The following KCND2 variants were observed in gnomAD, a reference collection of about 807,000 sequenced individuals.
KCND2 encodes the protein potassium voltage-gated channel subfamily D member 2, also known as A-type voltage-gated potassium channel KCND2.
In KCND2, 16 loss-of-function variants were observed where a neutral mutation model predicts 54.4. The ratio of observed to expected loss-of-function variants is 0.29; its 90% CI spans 0.20 to 0.45. The LOEUF (loss-of-function observed/expected upper bound fraction) is 0.45. Among genes scored for constraint, KCND2 ranks in the 20% least tolerant of loss-of-function variants. The pLI is 1.00. For synonymous variants in KCND2, 317 were observed against 310.7 expected (o/e 1.02, Z -0.21); for missense variants, 486 against 824.2 (o/e 0.59, Z 5.02).
intron 1 of KCND2, among the ~76,000 whole-genome samples, chr7:120,666,006 G>A (rs549319757): frequency 1.3e-5 from 2 of 152,102 alleles, no homozygotes; most frequent in Admixed American, 1.3e-4. Flanking sequence ...AGTACTGGAG[G>A]GGAGGGCATA....
chr7:120,322,857 T>C (rs1196538811), intron 1 of KCND2, among the ~76,000 whole-genome samples: 5 of 152,112 alleles, frequency 3.3e-5, no homozygotes, highest in African/African-American at 4.8e-5. Context: ...TCTTTGTTTT[T>C]TATCTAGTGC....
At chr7:120,398,872 G>A (rs1801198818) in intron 1 of KCND2, among the ~76,000 whole-genome samples, 2 of 152,040 alleles carry the variant, frequency 1.3e-5, no homozygotes, top group South Asian at 4.1e-4. Flanking sequence ...TAGGGAAACT[G>A]TTAGAGTAGG....
chr7:120,475,460 A>C (rs948817505), intron 1 of KCND2, among the ~76,000 whole-genome samples: 2 of 152,180 alleles, frequency 1.3e-5, no homozygotes, highest in Non-Finnish European at 2.9e-5. Context: ...GTAACTTAAA[A>C]TTTTAGTAAT....
chr7:120,499,707 A>G (rs927592036), intron 1 of KCND2, among the ~76,000 whole-genome samples: 1 of 152,178 alleles, frequency 6.6e-6, no homozygotes, highest in African/African-American at 2.4e-5. Flanking sequence ...GATCCAGCAT[A>G]CATGTCATTG....
intron 1 of KCND2, among the ~76,000 whole-genome samples, chr7:120,372,439 T>A (rs1479597466): frequency 6.9e-6 from 1 of 145,340 alleles, no homozygotes; most frequent in African/African-American, 2.5e-5. Context: ...TGAGCAAAGT[T>A]TGCTTTTTTA....
rs928982781 is a variant in KCND2 at position 120,655,195 on chromosome 7, T to C, written c.1116-77708T>C. 4.6e-5 allele frequency among the ~76,000 whole-genome samples: 7 copies of C among 152,170 alleles called. No homozygotes were observed. In the East Asian group the frequency reaches 7.7e-4, roughly 17 times the overall value. Reference sequence around the variant, plus strand: ...ATATTTTTAAAATTCTTTAATTTACTTTTTCCCCCAGGAAGTAAATAAACT... The same window carrying C: ...ATATTTTTAAAATTCTTTAATTTACCTTTTCCCCCAGGAAGTAAATAAACT... On this transcript the variant is annotated intron_variant, in intron 1 of 5. Coordinates refer to ENST00000331113, the MANE Select transcript of KCND2 (RefSeq NM_012281.3).
chr7:120,386,971 A>T (rs1196385605), intron 1 of KCND2, among the ~76,000 whole-genome samples: 1 of 152,138 alleles, frequency 6.6e-6, no homozygotes, highest in African/African-American at 2.4e-5. Flanking sequence ...CACTCTAACA[A>T]AATTAACTAA....
intron 1 of KCND2, among the ~76,000 whole-genome samples, chr7:120,625,016 C>T (rs1436722015): frequency 6.6e-6 from 1 of 152,106 alleles, no homozygotes; most frequent in Non-Finnish European, 1.5e-5. Flanking sequence ...ATGTATATCT[C>T]AAAGTATCTA....
chr7:120,535,702 A>T (rs937801542), intron 1 of KCND2, among the ~76,000 whole-genome samples: 2 of 152,128 alleles, frequency 1.3e-5, no homozygotes, highest in African/African-American at 4.8e-5. Flanking sequence ...TTATCATTTC[A>T]GACAGCAATA....
intron 1 of KCND2, among the ~76,000 whole-genome samples, chr7:120,304,115 C>T (rs900853892): frequency 2.0e-5 from 3 of 152,266 alleles, no homozygotes; most frequent in Middle Eastern, 3.4e-3. Context: ...ATAAGATCTT[C>T]AGGGCCAATC....
chr7:120,732,813 A>T, intron 1 of KCND2, 90 bp from the exon 2 acceptor site: 1 of 1,052,216 alleles, frequency 9.5e-7, no homozygotes, highest in Non-Finnish European at 1.4e-6. Flanking sequence ...CCAAAAAATC[A>T]TTTGACTTAA....
At chr7:120,669,462 A>T (rs556765101) in intron 1 of KCND2, among the ~76,000 whole-genome samples, 15 of 152,160 alleles carry the variant, frequency 9.9e-5, no homozygotes, top group African/African-American at 3.6e-4. Context: ...TATTGCCAAC[A>T]TTTTTTGACT....
At chr7:120,701,240 TAAAAAAAAAAAA>T (rs34803439) in intron 1 of KCND2, among the ~76,000 whole-genome samples, 29 of 55,144 alleles carry the variant, frequency 5.3e-4, no homozygotes, top group Middle Eastern at 0.017. Context: ...AATGCCTAGC[TAAAAAAAAAAAA>T]AAAAAAAAAA....
chr7:120,280,949 G>A (rs1007819304), intron 1 of KCND2, among the ~76,000 whole-genome samples: 44 of 152,016 alleles, frequency 2.9e-4, no homozygotes, highest in African/African-American at 1.0e-3. Context: ...TATCACTGCT[G>A]GCTCTGCATT....
intron 1 of KCND2, among the ~76,000 whole-genome samples, chr7:120,504,804 T>C (rs950125673): frequency 6.6e-6 from 1 of 151,774 alleles, no homozygotes; most frequent in East Asian, 1.9e-4. Flanking sequence ...GATGCATTTT[T>C]TTTGTACCTG....
At chr7:120,335,491 A>G (rs572450275) in intron 1 of KCND2, among the ~76,000 whole-genome samples, 18 of 141,000 alleles carry the variant, frequency 1.3e-4, no homozygotes, top group Non-Finnish European at 2.3e-4. Context: ...TTATTTATTT[A>G]TTTATTTATT....
At chr7:120,732,800 T>A (rs1013555672) in intron 1 of KCND2, 103 bp from the exon 2 acceptor site, 3 of 845,682 alleles carry the variant, frequency 3.5e-6, no homozygotes, top group Non-Finnish European at 5.8e-6. Context: ...GAAATAGATA[T>A]GTCCAAAAAA....
At chr7:120,640,754 T>C (rs764102752) in intron 1 of KCND2, among the ~76,000 whole-genome samples, 1 of 152,222 alleles carries the variant, frequency 6.6e-6, no homozygotes. Flanking sequence ...TTTCATTGCA[T>C]TGCATGGATA....
At chr7:120,280,946 G>A (rs1469408890) in intron 1 of KCND2, among the ~76,000 whole-genome samples, 1 of 152,062 alleles carries the variant, frequency 6.6e-6, no homozygotes, top group Non-Finnish European at 1.5e-5. Flanking sequence ...CAATATCACT[G>A]CTGGCTCTGC....
Sources: gnomAD v4.1 joint callset for allele counts (sites outside exome capture counted in the v4.1 genomes callset) on GRCh38, gnomAD v4.1.1 for gene constraint, MANE v1.5 for transcripts, NCBI Gene and HGNC (gene_info 2026-07-23, HGNC 2026-07-21) for gene names.